TMEM147: variants seen among roughly 807,000 people sequenced by gnomAD.
The protein encoded by TMEM147 is transmembrane protein 147, also known as BOS complex subunit TMEM147.
A neutral mutation model predicts 29.4 loss-of-function variants in TMEM147; 29 were observed. That is an observed-to-expected ratio of 0.99 (90% CI 0.73 to 1.34). The LOEUF (loss-of-function observed/expected upper bound fraction) is 1.34, where lower values mean the gene tolerates loss of function less well. Ranked by LOEUF, TMEM147 falls within the 40% of genes most tolerant of loss-of-function variation. The pLI is 0.00. For missense variants in TMEM147, 260 were observed against 289.4 expected, an observed-to-expected ratio of 0.90 and a Z score of 0.74; for synonymous variants, 121 against 111.8, an observed-to-expected ratio of 1.08 and a Z score of -0.52.
intron 2 of TMEM147, 77 bp downstream of exon 2, chr19:35,546,034 G>C: frequency 6.6e-7 from 1 of 1,505,832 alleles, no homozygotes; most frequent in Middle Eastern, 1.8e-4. Context: ...TTGCCTATCC[G>C]CGCCCCCGCC....
At position 35,545,628 on chromosome 19, in the gene TMEM147, TCAGGTGGGTGCCAGG is replaced by T. The variant is rs1487092820; in HGVS notation, c.-110_-96del. The T allele has an allele frequency of 8.4e-7, 1 of 1,189,150 alleles. No individual in the cohort carries two copies. The highest frequency in any genetic ancestry group is 2.6e-5 in the East Asian group (1 of 38,914). The allele number at this position is 1,189,150 out of a possible 1,614,324, so 73.7% of individuals were successfully genotyped here. A position where few individuals can be genotyped will look rare whatever the true frequency, so the allele number is the denominator to read the frequency against. The stretch of plus-strand genomic sequence containing the variant: ...AAGGTCGCGCGCGGGCCCCCGCCAG[TCAGGTGGGTGCCAGG>T]CCCTGGCCGTGGCGAAAGAGCCGGC... On this transcript the variant is annotated 5_prime_UTR_variant, in exon 1 of 7. Coordinates refer to ENST00000222284, the MANE Select transcript of TMEM147 (RefSeq NM_032635.4).
In TMEM147 at chr19:35,545,930, C is replaced by T. The variant is rs1254772020; in HGVS notation, c.120C>T (p.Val40=). ...TCTGGAAATGCGTCCAGGCTGGAGTCACCTACCTCTTTGTCCAACTCTGCA... is the reference window on the plus strand; with the variant it reads ...TCTGGAAATGCGTCCAGGCTGGAGTTACCTACCTCTTTGTCCAACTCTGCA... ...NAFWKCVQAG[V]TYLFVQLCKM... The change falls in exon 2 of 7, where the codon GTC becomes GTT. Residue 40 remains valine (V), a synonymous_variant. Transcript: ENST00000222284. 3.1e-6 allele frequency: 5 copies of T among 1,613,784 alleles called. No homozygotes were observed. In the African/African-American group the frequency reaches 5.3e-5, roughly 17 times the overall value.
In TMEM147 at chr19:35,546,563, G is replaced by T; in HGVS notation, c.185G>T (p.Gly62Val). The T allele has an allele frequency of 6.2e-7, 1 of 1,613,568 alleles. No homozygotes were observed. The highest frequency in any genetic ancestry group is 8.5e-7 in the Non-Finnish European group (1 of 1,179,836). Residue 62 changes from glycine (G) to valine (V), a missense_variant, in exon 3 of 7, where the codon GGC becomes GTC. By Grantham distance (109) the Gly-to-Val change is moderately radical (BLOSUM62 -3). Transcript: ENST00000222284. ...GCCACTTTCTTTCCCACCTGGGAAG[G>T]CGGCATCTATGACTTCATTGGGGTG... ...FLATFFPTWE[G>V]GIYDFIGEFM... is the part of the protein sequence containing the mutation.
Position 35,546,973 on chromosome 19 carries a change from G to T in TMEM147, c.373G>T (p.Gly125Cys). 4 of 1,614,162 alleles carry T rather than the reference G, an allele frequency of 2.5e-6. No individual in the cohort carries two copies. Among genetic ancestry groups the T allele is most frequent in the Non-Finnish European group, 3.4e-6 (4 of 1,180,034 alleles). ...CATTCCCCTATGGGTCGGAGCCCGG[G>T]GCATTGAGTTTGACTGGAAGTACAT... Reference protein sequence around the residue: ...RCIPLWVGARGIEFDWKYIQM... With the variant: ...RCIPLWVGARCIEFDWKYIQM... The change falls in exon 5 of 7, where the codon GGC (glycine) becomes TGC (cysteine). Residue 125 changes from glycine to cysteine, a missense_variant. Transcript: ENST00000222284.
Position 35,545,728 on chromosome 19 carries a change from GC to G in TMEM147, c.-11del, listed in dbSNP as rs758641032. The G allele has an allele frequency of 1.2e-6, 2 of 1,608,810 alleles. No individual in the cohort carries two copies. The highest frequency in any genetic ancestry group is 1.1e-5 in the South Asian group (1 of 91,010). ...GCGATCCCCGCGCGGGCGGGACCGGGCGGCCGGCATCATGACCCTGTTTCAC... is the reference window on the plus strand; with the variant it reads ...GCGATCCCCGCGCGGGCGGGACCGGGGGCCGGCATCATGACCCTGTTTCAC... On this transcript the variant is annotated 5_prime_UTR_variant, in exon 1 of 7. Coordinates refer to ENST00000222284, the MANE Select transcript of TMEM147 (RefSeq NM_032635.4).
rs922733910 is a variant in TMEM147, at chr19:35,546,012, G to A, written c.147+55G>A. The A allele has an allele frequency of 3.8e-6, 6 of 1,574,784 alleles. No individual in the cohort carries two copies. In the South Asian group the frequency reaches 4.5e-5, roughly 12 times the overall value. ...GGCCCCCAGGCTCTGCAGACCCAGG[G>A]ACCCGCCCCCGTTGCCTATCCGCGC... On this transcript the variant is annotated intron_variant, in intron 2 of 6. Coordinates refer to ENST00000222284, the MANE Select transcript of TMEM147 (RefSeq NM_032635.4).
In TMEM147 at chr19:35,545,959, TG is replaced by T. The variant is rs746434633; in HGVS notation, c.147+3del. On this transcript the variant is annotated splice_donor_region_variant and intron_variant, in intron 2 of 6. Transcript: ENST00000222284. ...TACCTCTTTGTCCAACTCTGCAAGGTGAGGGCCACCGGGAAGCCACGTGTTC... is the reference window on the plus strand; with the variant it reads ...TACCTCTTTGTCCAACTCTGCAAGGTAGGGCCACCGGGAAGCCACGTGTTC... The T allele has an allele frequency of 2.5e-6, 4 of 1,613,048 alleles. No homozygotes were observed. Among genetic ancestry groups the T allele is most frequent in the Non-Finnish European group, 3.4e-6 (4 of 1,179,750 alleles).
chr19:35,545,978 A>C, intron 2 of TMEM147, 21 bp downstream of exon 2: 1 of 1,610,720 alleles, frequency 6.2e-7, no homozygotes, highest in South Asian at 1.1e-5. Context: ...CCGGGAAGCC[A>C]CGTGTTCTGG....
At position 35,545,639 on chromosome 19, in the gene TMEM147, C is replaced by A. The variant is rs541723078; in HGVS notation, c.-101C>A. The A allele has an allele frequency of 5.7e-5, 76 of 1,334,118 alleles. No homozygotes were observed. The African/African-American group carries it at 1.1e-3, about 19-fold the overall frequency. The allele number at this position is 1,334,118 out of a possible 1,614,324, so 82.6% of individuals were successfully genotyped here. A position where few individuals can be genotyped will look rare whatever the true frequency, so the allele number is the denominator to read the frequency against. ...CGGGCCCCCGCCAGTCAGGTGGGTGCCAGGCCCTGGCCGTGGCGAAAGAGC... is the reference window on the plus strand; with the variant it reads ...CGGGCCCCCGCCAGTCAGGTGGGTGACAGGCCCTGGCCGTGGCGAAAGAGC... On this transcript the variant is annotated 5_prime_UTR_variant, in exon 1 of 7. Coordinates refer to ENST00000222284, the MANE Select transcript of TMEM147 (RefSeq NM_032635.4).
chr19:35,547,279 G>C lies in TMEM147; in HGVS notation c.551+39G>C, dbSNP rs777697578. On this transcript the variant is annotated intron_variant, in intron 6 of 6. Coordinates refer to ENST00000222284, the MANE Select transcript of TMEM147 (RefSeq NM_032635.4). ...GGTTTAGGGCTGGGTCCAAAGTGGG[G>C]TGGGTTATCTAGTCTCCCTTCCTTA... 6.2e-6 allele frequency: 10 copies of C among 1,614,010 alleles called. No homozygotes were observed. In the African/African-American group the frequency reaches 1.3e-4, roughly 22 times the overall value.
chr19:35,546,935 C>A lies in TMEM147; in HGVS notation c.345-10C>A. ...GAGTACTGGAGAATCCCATCCTTTG[C>A]CTTCCTCAGCTGCATTCCCCTATGG... On this transcript the variant is annotated splice_polypyrimidine_tract_variant and intron_variant, in intron 4 of 6. Transcript: ENST00000222284. 1 of 1,614,200 alleles carries A rather than the reference C, an allele frequency of 6.2e-7. No individual in the cohort carries two copies. The highest frequency in any genetic ancestry group is 1.1e-5 in the South Asian group (1 of 91,082).
At position 35,545,932 on chromosome 19, in the gene TMEM147, C is replaced by G. The variant is rs528399844; in HGVS notation, c.122C>G (p.Thr41Ser). 6.2e-7 allele frequency: 1 copy of G among 1,613,912 alleles called. No individual in the cohort carries two copies. The highest frequency in any genetic ancestry group is 2.2e-5 in the East Asian group (1 of 44,866). The change falls in exon 2 of 7, where the codon ACC (threonine) becomes AGC (serine). Residue 41 changes from threonine to serine, a missense_variant. Thr to Ser is a moderately conservative substitution (Grantham distance 58). Transcript: ENST00000222284. ...TGGAAATGCGTCCAGGCTGGAGTCACCTACCTCTTTGTCCAACTCTGCAAG... is the reference window on the plus strand; with the variant it reads ...TGGAAATGCGTCCAGGCTGGAGTCAGCTACCTCTTTGTCCAACTCTGCAAG... ...AFWKCVQAGV[T>S]YLFVQLCKML...
intron 3 of TMEM147, 29 bp from the exon 4 acceptor site, chr19:35,546,643 G>A (rs1235117613): frequency 3.7e-6 from 6 of 1,609,922 alleles, no homozygotes; most frequent in Non-Finnish European, 5.1e-6. Context: ...GTCCCCCTGT[G>A]CTTACTTAAG....
In TMEM147 at chr19:35,546,738, G is replaced by A. The variant is rs2071562154; in HGVS notation, c.274G>A (p.Ala92Thr). The change falls in exon 4 of 7, where the codon GCC becomes ACC. Residue 92 changes from alanine to threonine, a missense_variant. Physicochemically the swap from Ala to Thr is moderately conservative, Grantham distance 58. Transcript: ENST00000222284. ...IGLNLVMSRN[A>T]GKGEYKIMVA... Reference sequence around the variant, plus strand: ...TCTAAACCTTGTCATGTCCCGGAATGCCGGCAAGGGAGAGTACAAGATCAT... The same window carrying A: ...TCTAAACCTTGTCATGTCCCGGAATACCGGCAAGGGAGAGTACAAGATCAT... The A allele has an allele frequency of 6.2e-7, 1 of 1,614,224 alleles. No homozygotes were observed. The highest frequency in any genetic ancestry group is 2.2e-5 in the East Asian group (1 of 44,880).
Position 35,545,696 on chromosome 19 carries a change from C to A in TMEM147, c.-44C>A. ...AGCCGGAGACCCGCTCCCGGAGACG[C>A]CGCCTCGCGATCCCCGCGCGGGCGG... is the stretch of plus-strand genomic sequence containing the variant. On this transcript the variant is annotated 5_prime_UTR_variant, in exon 1 of 7. Transcript: ENST00000222284. The A allele has an allele frequency of 6.3e-7, 1 of 1,596,850 alleles. No individual in the cohort carries two copies.
Position 35,546,964 on chromosome 19 carries a change from G to A in TMEM147, c.364G>A (p.Gly122Arg), listed in dbSNP as rs769990616. The stretch of plus-strand genomic sequence containing the variant: ...CCTCAGCTGCATTCCCCTATGGGTC[G>A]GAGCCCGGGGCATTGAGTTTGACTG... The part of the protein sequence containing the change: ...IMSRCIPLWV[G>R]ARGIEFDWKY... The change falls in exon 5 of 7, where the codon GGA becomes AGA. Residue 122 changes from glycine to arginine, a missense_variant. Physicochemically the swap from Gly to Arg is moderately radical, Grantham distance 125. Transcript: ENST00000222284. The A allele has an allele frequency of 1.2e-5, 19 of 1,614,176 alleles. No individual in the cohort carries two copies. The highest frequency in any genetic ancestry group is 6.7e-5 in the East Asian group (3 of 44,880).
chr19:35,546,786 A>G lies in TMEM147; in HGVS notation c.322A>G (p.Thr108Ala). The G allele has an allele frequency of 1.2e-6, 2 of 1,614,220 alleles. No homozygotes were observed. The highest frequency in any genetic ancestry group is 2.2e-5 in the South Asian group (2 of 91,088). The change falls in exon 4 of 7, where the codon ACT (threonine) becomes GCT (alanine). Residue 108 changes from threonine to alanine, a missense_variant. Transcript: ENST00000222284. The part of the protein sequence containing the change: ...KIMVAALGWA[T>A]AELIMSRCIP... ...CATGGTTGCTGCCCTGGGCTGGGCC[A>G]CTGCTGAGCTTATTATGTCCCGGTG...
chr19:35,546,336 C>A, intron 2 of TMEM147, 190 bp from the exon 3 acceptor site: 1 of 670,364 alleles, frequency 1.5e-6, no homozygotes. Flanking sequence ...CCAGCCCCCT[C>A]GGGGACCCGG....
Position 35,547,419 on chromosome 19 carries a change from A to G in TMEM147, c.647A>G (p.Tyr216Cys). ...GLLALSTLAL[Y>C]VAVVNVHS ...CTGGCCCTCAGCACTTTGGCCCTGT[A>G]TGTCGCCGTTGTCAATGTGCACTCC... Residue 216 changes from tyrosine (Y) to cysteine (C), a missense_variant, in exon 7 of 7, where the codon TAT becomes TGT. Coordinates refer to ENST00000222284, the MANE Select transcript of TMEM147 (RefSeq NM_032635.4). 3 of 1,613,654 alleles carry G rather than the reference A, an allele frequency of 1.9e-6. No homozygotes were observed. The highest frequency in any genetic ancestry group is 1.7e-6 in the Non-Finnish European group (2 of 1,180,002).
Sources: allele counts gnomAD v4.1 joint callset, GRCh38; gene constraint gnomAD v4.1.1; transcripts MANE v1.5; gene names NCBI Gene and HGNC (gene_info 2026-07-23, HGNC 2026-07-21).